PLGRKT: variants seen among roughly 807,000 people sequenced by gnomAD.
The protein encoded by PLGRKT is plasminogen receptor (KT).
A neutral mutation model predicts 18.5 loss-of-function variants in PLGRKT; 22 were observed. The observed-to-expected ratio is 1.19, with a 90% CI of 0.85 to 1.70. The LOEUF is 1.70. Ranked by LOEUF, PLGRKT falls within the 40% of genes most tolerant of loss-of-function variation. The probability of loss-of-function intolerance (pLI) is 0.00; values close to 1 mark genes in which losing one functional copy is unlikely to be tolerated. For missense variants in PLGRKT, 235 were observed against 174.4 expected, an observed-to-expected ratio of 1.35 and a Z score of -1.96; for synonymous variants, 72 against 52.8, an observed-to-expected ratio of 1.36 and a Z score of -1.58.
intron 3 of PLGRKT, among the ~76,000 whole-genome samples, chr9:5,426,133 G>T (rs1294872512): frequency 1.3e-5 from 2 of 152,104 alleles, no homozygotes; most frequent in African/African-American, 2.4e-5. Flanking sequence ...CAACCCTAGG[G>T]ACTTCTGGGA....
intron 3 of PLGRKT, chr9:5,382,062 T>G (rs1464771493): frequency 1.1e-6 from 1 of 949,366 alleles, no homozygotes; most frequent in African/African-American, 1.8e-5. Flanking sequence ...GCCTCACAAC[T>G]TTCCTGTTTT....
chr9:5,377,110 T>C (rs765741382), intron 3 of PLGRKT, among the ~76,000 whole-genome samples: 1 of 152,108 alleles, frequency 6.6e-6, no homozygotes, highest in Non-Finnish European at 1.5e-5. Context: ...GGTAATGAAA[T>C]ACAACAAAAT....
intron 3 of PLGRKT, among the ~76,000 whole-genome samples, chr9:5,424,691 T>TACACACACAC (rs1554634194): frequency 4.3e-5 from 3 of 70,486 alleles, no homozygotes; most frequent in Admixed American, 1.5e-4. Flanking sequence ...TATATATATA[T>TACACACACAC]ACACACAGGG....
chr9:5,358,994 T>C (rs1817200162), intron 5 of PLGRKT, among the ~76,000 whole-genome samples: 1 of 152,186 alleles, frequency 6.6e-6, no homozygotes, highest in Non-Finnish European at 1.5e-5. Flanking sequence ...CATGTTTACA[T>C]TTTATAAGCC....
intron 3 of PLGRKT, among the ~76,000 whole-genome samples, chr9:5,393,139 G>C (rs1817981184): frequency 6.6e-6 from 1 of 151,764 alleles, no homozygotes; most frequent in Admixed American, 6.6e-5. Flanking sequence ...ACCGCACCCA[G>C]CCAAAATTTC....
intron 3 of PLGRKT, among the ~76,000 whole-genome samples, chr9:5,415,303 C>A (rs762921840): frequency 5.3e-5 from 8 of 152,006 alleles, no homozygotes; most frequent in Admixed American, 2.6e-4. Flanking sequence ...GTAAAATGTC[C>A]ACGAAAACAT....
At chr9:5,430,459 A>G (rs1011313999) in intron 3 of PLGRKT, among the ~76,000 whole-genome samples, 2 of 152,254 alleles carry the variant, frequency 1.3e-5, no homozygotes, top group East Asian at 3.8e-4. Context: ...TTTATTCTGC[A>G]TAAGACACTC....
intron 3 of PLGRKT, among the ~76,000 whole-genome samples, chr9:5,379,791 A>G (rs1817701823): frequency 6.6e-6 from 1 of 152,238 alleles, no homozygotes; most frequent in Non-Finnish European, 1.5e-5. Context: ...GAGTGCACTC[A>G]TGCACTATTT....
intron 3 of PLGRKT, among the ~76,000 whole-genome samples, chr9:5,406,352 A>G (rs1177051165): frequency 6.6e-6 from 1 of 152,218 alleles, no homozygotes; most frequent in African/African-American, 2.4e-5. Flanking sequence ...AAGACATGGA[A>G]TCAACCCAAA....
At chr9:5,412,516 G>C (rs1818384626) in intron 3 of PLGRKT, among the ~76,000 whole-genome samples, 1 of 152,168 alleles carries the variant, frequency 6.6e-6, no homozygotes. Context: ...TCTTGGGCTT[G>C]CTTGCTCTGT....
intron 3 of PLGRKT, among the ~76,000 whole-genome samples, chr9:5,399,371 A>G (rs1818113024): frequency 6.6e-6 from 1 of 151,870 alleles, no homozygotes; most frequent in South Asian, 2.1e-4. Flanking sequence ...AATCCTTGCC[A>G]TTATTATTTC....
intron 3 of PLGRKT, among the ~76,000 whole-genome samples, chr9:5,376,656 T>A (rs895044736): frequency 1.3e-5 from 2 of 152,222 alleles, no homozygotes; most frequent in African/African-American, 2.4e-5. Flanking sequence ...ATCATCATCA[T>A]CATCCCTATG....
At chr9:5,380,306 A>G (rs892348480) in intron 3 of PLGRKT, among the ~76,000 whole-genome samples, 2 of 151,278 alleles carry the variant, frequency 1.3e-5, no homozygotes, top group African/African-American at 4.9e-5. Context: ...TGGAGCTTGC[A>G]CAGTGAGCCG....
chr9:5,387,731 G>A (rs1817872007), intron 3 of PLGRKT, among the ~76,000 whole-genome samples: 1 of 151,776 alleles, frequency 6.6e-6, no homozygotes, highest in Non-Finnish European at 1.5e-5. Context: ...ATAAACATCT[G>A]TAGAAATCAA....
At chr9:5,431,745 G>C (rs1818830234) in intron 3 of PLGRKT, 152 bp downstream of exon 3, 1 of 575,542 alleles carries the variant, frequency 1.7e-6, no homozygotes. Flanking sequence ...CCATTCACCA[G>C]ATAATTAGTA....
chr9:5,366,279 A>G (rs1415713806), intron 3 of PLGRKT, among the ~76,000 whole-genome samples: 1 of 152,204 alleles, frequency 6.6e-6, no homozygotes, highest in Non-Finnish European at 1.5e-5. Flanking sequence ...TACTGACATT[A>G]AAAACAACAA....
At chr9:5,358,405 A>C in intron 5 of PLGRKT, 45 bp from the exon 6 acceptor site, 1 of 1,597,964 alleles carries the variant, frequency 6.3e-7, no homozygotes, top group South Asian at 1.1e-5. Context: ...AGGGGTCATC[A>C]GCAATTTGTG....
chr9:5,407,335 A>G (rs1818276080), intron 3 of PLGRKT, among the ~76,000 whole-genome samples: 1 of 152,154 alleles, frequency 6.6e-6, no homozygotes, highest in South Asian at 2.1e-4. Flanking sequence ...GACATCACTA[A>G]TTTTTCATAC....
intron 3 of PLGRKT, among the ~76,000 whole-genome samples, chr9:5,375,601 C>T (rs72703666): frequency 0.04 from 6,106 of 152,158 alleles, 200 homozygotes; most frequent in East Asian, 0.17. Context: ...TATGGACATA[C>T]TTCATACATT....
Sources: allele counts gnomAD v4.1 joint callset (sites outside exome capture counted in the v4.1 genomes callset), GRCh38; gene constraint gnomAD v4.1.1; transcripts MANE v1.5; gene names NCBI Gene and HGNC (gene_info 2026-07-23, HGNC 2026-07-21).